FAM228A: variants seen among roughly 807,000 people sequenced by gnomAD.
FAM228A encodes family with sequence similarity 228 member A, also known as protein FAM228A.
A neutral mutation model predicts 18.6 loss-of-function variants in FAM228A; 13 were observed. The ratio of observed to expected loss-of-function variants is 0.70; its 90% CI spans 0.45 to 1.11. The LOEUF is 1.11. FAM228A is among the 50% of genes least tolerant of loss of function. The pLI, the probability that FAM228A is intolerant of heterozygous loss-of-function variation, is 0.00. For synonymous variants in FAM228A, 77 were observed against 86.6 expected (o/e 0.89, Z 0.61); for missense variants, 240 against 242.2 (o/e 0.99, Z 0.06).
Position 24,191,035 on chromosome 2 carries a change from T to G in FAM228A, c.*404T>G. 2 of 996,720 alleles carry G rather than the reference T, an allele frequency of 2.0e-6. No individual in the cohort carries two copies. The highest frequency in any genetic ancestry group is 2.4e-6 in the Non-Finnish European group (2 of 837,658). The allele number at this position is 996,720 out of a possible 1,614,324, so 61.7% of individuals were successfully genotyped here. A position where few individuals can be genotyped will look rare whatever the true frequency, so the allele number is the denominator to read the frequency against. On this transcript the variant is annotated 3_prime_UTR_variant, in exon 6 of 6. Transcript: ENST00000295150. The stretch of plus-strand genomic sequence containing the variant: ...TGGTGGGAAGTTTTTGAAATGAAAT[T>G]TATACCAAAAAATTAGGGCAAGATG...
At chr2:24,177,458 A>G (rs1667717027) in intron 2 of FAM228A, among the ~76,000 whole-genome samples, 1 of 152,138 alleles carries the variant, frequency 6.6e-6, no homozygotes, top group African/African-American at 2.4e-5. Context: ...CAAACAAAAA[A>G]CACCTACTGA....
chr2:24,183,889 G>C (rs889693737), intron 5 of FAM228A, among the ~76,000 whole-genome samples: 1 of 152,010 alleles, frequency 6.6e-6, no homozygotes, highest in Non-Finnish European at 1.5e-5. Context: ...GCCCCCTCCC[G>C]AGACAGTCTT....
At chr2:24,189,554 C>T (rs1668033101) in intron 5 of FAM228A, among the ~76,000 whole-genome samples, 1 of 152,140 alleles carries the variant, frequency 6.6e-6, no homozygotes, top group Non-Finnish European at 1.5e-5. Context: ...ATCTTACTAT[C>T]TTGGTGGTCC....
chr2:24,188,013 T>C (rs1667990085), intron 5 of FAM228A, among the ~76,000 whole-genome samples: 1 of 150,950 alleles, frequency 6.6e-6, no homozygotes, highest in African/African-American at 2.4e-5. Context: ...TTTCAGTTAT[T>C]TTCTCTTTGT....
At chr2:24,175,337 A>C in intron 1 of FAM228A, 130 bp from the exon 2 acceptor site, 1 of 696,904 alleles carries the variant, frequency 1.4e-6, no homozygotes, top group Non-Finnish European at 2.5e-6. Flanking sequence ...CAAGGATCCC[A>C]GTTTGTTGGG....
At chr2:24,179,979 G>A (rs1449614851) in intron 3 of FAM228A, among the ~76,000 whole-genome samples, 3 of 152,180 alleles carry the variant, frequency 2.0e-5, no homozygotes, top group African/African-American at 7.2e-5. Flanking sequence ...AGGACTAACA[G>A]TTTCTATACT....
chr2:24,180,842 C>T (rs1460401252), intron 3 of FAM228A, among the ~76,000 whole-genome samples: 2 of 152,084 alleles, frequency 1.3e-5, no homozygotes, highest in Non-Finnish European at 2.9e-5. Context: ...TCATCAGTTG[C>T]AAAACCTTTA....
intron 5 of FAM228A, among the ~76,000 whole-genome samples, chr2:24,188,051 C>G (rs1057492694): frequency 2.0e-5 from 3 of 148,836 alleles, no homozygotes; most frequent in Non-Finnish European, 3.0e-5. Context: ...CCTCTCCTCT[C>G]TTTTGGGTAC....
At position 24,190,571 on chromosome 2, in the gene FAM228A, G is replaced by A. The variant is rs1309779926; in HGVS notation, c.561G>A (p.Gly187=). ...AGGGTCTGGTGAGCAGAGGCCTGGG[G>A]CGGGGCTGGCATGCAGGGCTTTGCA... ...ERKGLVSRGL[G]RGWHAGLCST... is the part of the protein sequence containing the mutation. Residue 187 remains glycine, a synonymous_variant, in exon 6 of 6, where the codon GGG becomes GGA. Transcript: ENST00000295150. The A allele has an allele frequency of 3.7e-6, 6 of 1,611,606 alleles. No homozygotes were observed. The African/African-American group carries it at 5.4e-5, about 14-fold the overall frequency.
chr2:24,189,568 C>T (rs1021023987), intron 5 of FAM228A, among the ~76,000 whole-genome samples: 1 of 152,092 alleles, frequency 6.6e-6, no homozygotes, highest in Non-Finnish European at 1.5e-5. Context: ...GTGGTCCCAG[C>T]ACTTAGCTGG....
chr2:24,190,715 G>C lies in FAM228A; in HGVS notation c.*84G>C. ...AAGAAGAAGGGTGTGAAGAGGAGGAGGGAGAAATGGCGGTGGCCTCAGGCT... is the reference window on the plus strand; with the variant it reads ...AAGAAGAAGGGTGTGAAGAGGAGGACGGAGAAATGGCGGTGGCCTCAGGCT... On this transcript the variant is annotated 3_prime_UTR_variant, in exon 6 of 6. Transcript: ENST00000295150. 7 of 1,443,470 alleles carry C rather than the reference G, an allele frequency of 4.8e-6. No homozygotes were observed. Among genetic ancestry groups the C allele is most frequent in the Non-Finnish European group, 6.4e-6 (7 of 1,096,528 alleles). 89.4% of individuals were successfully genotyped at this position (1,443,470 alleles called of 1,614,324 possible). A position where few individuals can be genotyped will look rare whatever the true frequency, so the allele number is the denominator to read the frequency against.
intron 3 of FAM228A, among the ~76,000 whole-genome samples, chr2:24,180,491 G>C (rs1463083129): frequency 1.3e-5 from 2 of 152,032 alleles, no homozygotes; most frequent in Non-Finnish European, 2.9e-5. Context: ...TATTTACTGA[G>C]CACAATTTCT....
intron 3 of FAM228A, 33 bp downstream of exon 3, chr2:24,177,903 T>C (rs371228890): frequency 1.4e-6 from 2 of 1,398,054 alleles, no homozygotes; most frequent in Non-Finnish European, 1.0e-6. Context: ...ATTCTACATA[T>C]GTTCTAGGGG....
At chr2:24,187,547 T>G (rs1667978993) in intron 5 of FAM228A, among the ~76,000 whole-genome samples, 1 of 152,244 alleles carries the variant, frequency 6.6e-6, no homozygotes, top group Non-Finnish European at 1.5e-5. Context: ...TCACACAGAA[T>G]AGTTTCACTG....
intron 3 of FAM228A, among the ~76,000 whole-genome samples, chr2:24,182,468 G>C (rs1056438052): frequency 1.3e-5 from 2 of 152,126 alleles, no homozygotes; most frequent in African/African-American, 4.8e-5. Context: ...GAGTGCTGTG[G>C]GGGAAATGGA....
At chr2:24,177,729 A>C in intron 2 of FAM228A, 73 bp from the exon 3 acceptor site, 1 of 834,860 alleles carries the variant, frequency 1.2e-6, no homozygotes, top group Non-Finnish European at 1.9e-6. Context: ...CTATTGGTAA[A>C]GTACACTGAG....
At chr2:24,183,464 G>A (rs1276248250) in intron 4 of FAM228A, 31 bp from the exon 5 acceptor site, 1 of 1,609,262 alleles carries the variant, frequency 6.2e-7, no homozygotes, top group Non-Finnish European at 8.5e-7. Flanking sequence ...TTCTTGAAGA[G>A]TGTTGATTTC....
intron 3 of FAM228A, chr2:24,179,061 A>G (rs2151041837): frequency 1.2e-6 from 1 of 809,788 alleles, no homozygotes; most frequent in Admixed American, 5.8e-5. Flanking sequence ...ATGATAGTAA[A>G]TGAAACATTT....
intron 1 of FAM228A, 77 bp downstream of exon 1, chr2:24,175,251 C>T (rs912109469): frequency 3.8e-6 from 2 of 524,172 alleles, no homozygotes. Flanking sequence ...GGGGGCGCGC[C>T]CCGGAGGAAA....
Sources: gnomAD v4.1 joint callset for allele counts (sites outside exome capture counted in the v4.1 genomes callset) on GRCh38, gnomAD v4.1.1 for gene constraint, MANE v1.5 for transcripts, NCBI Gene and HGNC (gene_info 2026-07-23, HGNC 2026-07-21) for gene names.